The following ARHGAP44 variants were observed in gnomAD, a reference collection of about 807,000 sequenced individuals.
ARHGAP44 encodes the protein Rho GTPase activating protein 44.
Under a neutral mutation model 106.8 loss-of-function variants are expected in ARHGAP44, and 43 were observed. That is an observed-to-expected ratio of 0.40 (90% CI 0.32 to 0.52). ARHGAP44 has a LOEUF of 0.52. Among genes scored for constraint, ARHGAP44 ranks in the 20% least tolerant of loss-of-function variants. The probability of loss-of-function intolerance (pLI) is 0.48; values close to 1 mark genes in which losing one functional copy is unlikely to be tolerated. For synonymous variants in ARHGAP44, 439 were observed against 410.3 expected (o/e 1.07, Z -0.85); for missense variants, 866 against 1,050.5 (o/e 0.82, Z 2.43).
intron 1 of ARHGAP44, among the ~76,000 whole-genome samples, chr17:12,832,971 C>T (rs1168918076): frequency 2.6e-5 from 4 of 152,198 alleles, no homozygotes; most frequent in East Asian, 1.9e-4. Context: ...TTTCCTTCCC[C>T]GACGATAGCT....
intron 7 of ARHGAP44, among the ~76,000 whole-genome samples, chr17:12,935,972 A>G (rs2038535570): frequency 6.6e-6 from 1 of 152,252 alleles, no homozygotes; most frequent in Non-Finnish European, 1.5e-5. Context: ...ATTCTGAAAA[A>G]CAGAGATTTT....
rs2040115078 is a variant in ARHGAP44, at chr17:12,990,846, T to TATTTC, written c.*676_*680dup. 1 of 152,296 alleles carries TATTTC rather than the reference T, an allele frequency of 6.6e-6. No homozygotes were observed. Among genetic ancestry groups the TATTTC allele is most frequent in the African/African-American group, 2.4e-5 (1 of 41,474 alleles). 9.4% of individuals were successfully genotyped at this position (152,296 alleles called of 1,614,324 possible). On this transcript the variant is annotated 3_prime_UTR_variant, in exon 21 of 21. Transcript: ENST00000379672. ...GACTGAAAGCTCCTATATCATTTTATATTTCTGAATCTATAAAACAAAACA... is the reference window on the plus strand; with the variant it reads ...GACTGAAAGCTCCTATATCATTTTATATTTCATTTCTGAATCTATAAAACAAAACA...
intron 1 of ARHGAP44, among the ~76,000 whole-genome samples, chr17:12,830,551 G>T (rs763941740): frequency 2.0e-4 from 30 of 152,220 alleles, no homozygotes; most frequent in Middle Eastern, 3.4e-3. Context: ...CTGGTAATAT[G>T]AGGAATCAGG....
intron 6 of ARHGAP44, among the ~76,000 whole-genome samples, chr17:12,924,023 C>A (rs995776795): frequency 4.6e-5 from 7 of 152,212 alleles, no homozygotes; most frequent in Non-Finnish European, 1.0e-4. Flanking sequence ...TGATTTATTT[C>A]ATATTGTTCT....
At chr17:12,818,655 G>A (rs551652111) in intron 1 of ARHGAP44, among the ~76,000 whole-genome samples, 10 of 152,006 alleles carry the variant, frequency 6.6e-5, no homozygotes, top group African/African-American at 1.7e-4. Flanking sequence ...ACGTCTAAAC[G>A]CCACTTATAT....
At chr17:12,858,323 A>C (rs1012314848) in intron 1 of ARHGAP44, among the ~76,000 whole-genome samples, 1 of 151,948 alleles carries the variant, frequency 6.6e-6, no homozygotes, top group African/African-American at 2.4e-5. Context: ...CCACACCCCT[A>C]CTCACTGTCA....
chr17:12,860,155 T>G (rs2097985), intron 1 of ARHGAP44, among the ~76,000 whole-genome samples: 95,810 of 151,996 alleles, frequency 0.63, 31,033 homozygotes, highest in East Asian at 0.79. Flanking sequence ...GCAGTTTCTT[T>G]GGTCCACAGA....
intron 7 of ARHGAP44, among the ~76,000 whole-genome samples, chr17:12,934,462 C>T (rs897525013): frequency 6.6e-6 from 1 of 152,174 alleles, no homozygotes; most frequent in Non-Finnish European, 1.5e-5. Context: ...GCTGGAAGAA[C>T]CCATCAGTAC....
intron 18 of ARHGAP44, among the ~76,000 whole-genome samples, chr17:12,975,893 C>T (rs2039669990): frequency 6.6e-6 from 1 of 151,458 alleles, no homozygotes; most frequent in African/African-American, 2.4e-5. Context: ...ATAATGACAG[C>T]ACTTGGTTAT....
At chr17:12,945,936 A>T (rs2038839230) in intron 10 of ARHGAP44, among the ~76,000 whole-genome samples, 1 of 152,006 alleles carries the variant, frequency 6.6e-6, no homozygotes, top group African/African-American at 2.4e-5. Context: ...ACAGGCTCCC[A>T]GAGCCTGTAA....
At chr17:12,848,576 A>G (rs1000808791) in intron 1 of ARHGAP44, among the ~76,000 whole-genome samples, 1 of 152,158 alleles carries the variant, frequency 6.6e-6, no homozygotes, top group Non-Finnish European at 1.5e-5. Flanking sequence ...ACTTCTGGAA[A>G]TGGCTTACCA....
chr17:12,931,841 TACACACACACACACACAC>T (rs10522083), intron 7 of ARHGAP44, among the ~76,000 whole-genome samples: 1 of 146,304 alleles, frequency 6.8e-6, no homozygotes, highest in Non-Finnish European at 1.5e-5. Context: ...ACAGTAGGGA[TACACACACACACACACAC>T]ACACACACAC....
chr17:12,867,294 G>A (rs1393831258), intron 1 of ARHGAP44, among the ~76,000 whole-genome samples: 3 of 152,014 alleles, frequency 2.0e-5, no homozygotes, highest in East Asian at 1.9e-4. Context: ...CCTGTCTCAC[G>A]GAGGTGATCA....
At chr17:12,970,391 A>AAAAG (rs748675641) in intron 16 of ARHGAP44, among the ~76,000 whole-genome samples, 7 of 151,090 alleles carry the variant, frequency 4.6e-5, no homozygotes, top group African/African-American at 1.5e-4. Flanking sequence ...AAAAAAAAGA[A>AAAAG]AAAGAAGAGA....
chr17:12,987,910 C>G (rs918461432), intron 20 of ARHGAP44: 7 of 152,154 alleles, frequency 4.6e-5, no homozygotes, highest in East Asian at 1.9e-4. Flanking sequence ...GGGAAAGGCA[C>G]GAAGGAAGCC....
intron 1 of ARHGAP44, among the ~76,000 whole-genome samples, chr17:12,889,258 C>A (rs2036970927): frequency 6.6e-6 from 1 of 151,824 alleles, no homozygotes; most frequent in Non-Finnish European, 1.5e-5. Flanking sequence ...TTGTCTTGTT[C>A]CATTTTGTGC....
chr17:12,961,282 A>G lies in ARHGAP44; in HGVS notation c.1523+2385A>G, dbSNP rs1299649821. Among the ~76,000 whole-genome samples, 3 of 152,244 alleles carry G rather than the reference A, an allele frequency of 2.0e-5. No individual in the cohort carries two copies. The East Asian group carries it at 5.8e-4, about 29-fold the overall frequency. On this transcript the variant is annotated intron_variant, in intron 16 of 20. Coordinates refer to ENST00000379672, the MANE Select transcript of ARHGAP44 (RefSeq NM_014859.6). ...ATCTTGAGCAGATACCTTATCTCTG[A>G]TAAAGCTCTCCTGCTTAAGAATTTT...
At chr17:12,933,528 C>T (rs1446715825) in intron 7 of ARHGAP44, among the ~76,000 whole-genome samples, 1 of 152,180 alleles carries the variant, frequency 6.6e-6, no homozygotes, top group Non-Finnish European at 1.5e-5. Flanking sequence ...GAGACAAGCC[C>T]AACTCTTCAC....
chr17:12,879,247 C>T (rs1001481859), intron 1 of ARHGAP44, among the ~76,000 whole-genome samples: 4 of 152,194 alleles, frequency 2.6e-5, no homozygotes, highest in Non-Finnish European at 5.9e-5. Context: ...TCCTGAGTCA[C>T]TTCACTTAGA....
Sources: gnomAD v4.1 joint callset for allele counts (sites outside exome capture counted in the v4.1 genomes callset) on GRCh38, gnomAD v4.1.1 for gene constraint, MANE v1.5 for transcripts, NCBI Gene and HGNC (gene_info 2026-07-23, HGNC 2026-07-21) for gene names.